The following PTPRK variants were observed in gnomAD, a reference collection of about 807,000 sequenced individuals.
PTPRK encodes the protein receptor-type tyrosine-protein phosphatase kappa.
Under a neutral mutation model 178.0 loss-of-function variants are expected in PTPRK, and 75 were observed. That is an observed-to-expected ratio of 0.42 (90% CI 0.35 to 0.51). The LOEUF is 0.51. Among genes scored for constraint, PTPRK ranks in the 20% least tolerant of loss-of-function variants. PTPRK has a pLI of 0.02. For synonymous variants in PTPRK, 637 were observed against 620.6 expected, an observed-to-expected ratio of 1.03 and a Z score of -0.39; for missense variants, 1,441 against 1,797.8, an observed-to-expected ratio of 0.80 and a Z score of 3.59.
At chr6:128,206,185 A>C (rs915804557) in intron 6 of PTPRK, among the ~76,000 whole-genome samples, 8 of 151,966 alleles carry the variant, frequency 5.3e-5, no homozygotes, top group Non-Finnish European at 1.2e-4. Flanking sequence ...AAATCAATGA[A>C]TATATAGGGT....
intron 1 of PTPRK, among the ~76,000 whole-genome samples, chr6:128,497,877 C>T (rs1854956309): frequency 6.6e-6 from 1 of 151,532 alleles, no homozygotes; most frequent in Non-Finnish European, 1.5e-5. Flanking sequence ...ACTTTAAAAT[C>T]TGAACTGTAG....
chr6:128,011,659 C>T (rs904945101), intron 13 of PTPRK, among the ~76,000 whole-genome samples: 6 of 150,996 alleles, frequency 4.0e-5, no homozygotes, highest in Non-Finnish European at 7.4e-5. Flanking sequence ...AATAAAATAA[C>T]AGAACTGACA....
intron 13 of PTPRK, among the ~76,000 whole-genome samples, chr6:128,061,685 CTT>C (rs1170216017): frequency 6.6e-6 from 1 of 152,080 alleles, no homozygotes; most frequent in Admixed American, 6.5e-5. Context: ...CAGGGTTGTC[CTT>C]CTCACTGAAA....
chr6:128,017,738 T>A (rs1007091881), intron 13 of PTPRK, among the ~76,000 whole-genome samples: 114 of 121,478 alleles, frequency 9.4e-4, no homozygotes, highest in African/African-American at 3.3e-3. Flanking sequence ...TCTATATATA[T>A]AATATATAAA....
At chr6:128,065,173 T>G (rs72983916) in intron 12 of PTPRK, among the ~76,000 whole-genome samples, 2 of 152,312 alleles carry the variant, frequency 1.3e-5, no homozygotes, top group Non-Finnish European at 2.9e-5. Flanking sequence ...CTGAGAACTG[T>G]AGACTGAGAC....
chr6:128,240,267 C>A, intron 4 of PTPRK, 117 bp from the exon 5 acceptor site: 1 of 742,976 alleles, frequency 1.3e-6, no homozygotes, highest in Non-Finnish European at 2.2e-6. Context: ...AGACTAACAT[C>A]AGAAAGAAGA....
At chr6:128,079,029 C>G (rs926252787) in intron 10 of PTPRK, 111 bp from the exon 11 acceptor site, 9 of 599,548 alleles carry the variant, frequency 1.5e-5, no homozygotes, top group Non-Finnish European at 2.3e-5. Flanking sequence ...ACCTAATTAT[C>G]TACAACGTAT....
At chr6:128,472,129 C>T (rs1459623929) in intron 1 of PTPRK, among the ~76,000 whole-genome samples, 1 of 152,054 alleles carries the variant, frequency 6.6e-6, no homozygotes, top group African/African-American at 2.4e-5. Context: ...CTGCTTCTTC[C>T]CTCCAGAGAG....
In PTPRK at chr6:127,985,870, C is replaced by A. The variant is rs565899585; in HGVS notation, c.3102G>T (p.Gly1034=). 73 of 1,609,978 alleles carry A rather than the reference C, an allele frequency of 4.5e-5. No homozygotes were observed. The East Asian group carries it at 1.1e-3, about 25-fold the overall frequency. The change falls in exon 22 of 30, where the codon GGG becomes GGT. Residue 1034 remains glycine, a synonymous_variant. Transcript: ENST00000368226. ...GTTTAACTTCACGGATTTCATTGTA[C>A]CCCCTCTGTGCAAAGATGGAAAGAA... is the stretch of plus-strand genomic sequence containing the variant. ...VVRTFTLERR[G]YNEIREVKQF...
chr6:128,243,534 A>C (rs1048120355), intron 3 of PTPRK, among the ~76,000 whole-genome samples: 1 of 149,222 alleles, frequency 6.7e-6, no homozygotes, highest in African/African-American at 2.5e-5. Context: ...GAAAAGAAAA[A>C]GATTAGCTGG....
chr6:128,437,103 G>C (rs1267738743), intron 1 of PTPRK, among the ~76,000 whole-genome samples: 1 of 152,238 alleles, frequency 6.6e-6, no homozygotes, highest in Admixed American at 6.5e-5. Flanking sequence ...TTTCCCTGGG[G>C]TTCAGCACTC....
chr6:128,021,775 A>C (rs1773551717), intron 13 of PTPRK, among the ~76,000 whole-genome samples: 1 of 152,238 alleles, frequency 6.6e-6, no homozygotes, highest in South Asian at 2.1e-4. Context: ...TAATAGAGGT[A>C]GGCTGGAGTT....
rs1452466697 is a variant in PTPRK at position 128,078,853 on chromosome 6, C to T, written c.1843G>A (p.Val615Ile). Residue 615 changes from valine to isoleucine, a missense_variant, in exon 11 of 30, where the codon GTA (valine) becomes ATA (isoleucine). By Grantham distance (29) the Val-to-Ile change is conservative. Coordinates refer to ENST00000368226, the MANE Select transcript of PTPRK (RefSeq NM_002844.4). ...SLNETATTIT[V>I]LLRPAQAKGA... is the part of the protein sequence containing the mutation. ...TTGGCTTGTGCTGGTCTCAACAATA[C>T]AGTTATTGTGGTGGCAGTTTCATTG... is the stretch of plus-strand genomic sequence containing the variant. The T allele has an allele frequency of 1.9e-6, 3 of 1,612,108 alleles. No homozygotes were observed. Among genetic ancestry groups the T allele is most frequent in the African/African-American group, 1.3e-5 (1 of 74,782 alleles).
intron 1 of PTPRK, among the ~76,000 whole-genome samples, chr6:128,451,974 G>A (rs909302938): frequency 2.0e-5 from 3 of 152,118 alleles, no homozygotes; most frequent in Admixed American, 6.5e-5. Flanking sequence ...CCTACCAAAT[G>A]CCAAGCACCA....
chr6:128,425,432 A>T (rs1020283146), intron 1 of PTPRK, among the ~76,000 whole-genome samples: 1 of 151,980 alleles, frequency 6.6e-6, no homozygotes, highest in Non-Finnish European at 1.5e-5. Flanking sequence ...CGAGTCCCCA[A>T]AGGCTAATGT....
chr6:128,159,426 T>A (rs1045167376), intron 7 of PTPRK, among the ~76,000 whole-genome samples: 1 of 151,866 alleles, frequency 6.6e-6, no homozygotes, highest in African/African-American at 2.4e-5. Context: ...AAAGAACCTA[T>A]CAATGAGGTT....
chr6:128,508,210 A>T (rs1856642594), intron 1 of PTPRK, among the ~76,000 whole-genome samples: 1 of 152,134 alleles, frequency 6.6e-6, no homozygotes, highest in African/African-American at 2.4e-5. Flanking sequence ...CCATGCCTTA[A>T]TAGTCATTAA....
intron 7 of PTPRK, among the ~76,000 whole-genome samples, chr6:128,161,132 C>T (rs1454133291): frequency 1.3e-5 from 2 of 151,622 alleles, no homozygotes; most frequent in Non-Finnish European, 3.0e-5. Context: ...AACTTCTTAG[C>T]CCATGTTTAA....
intron 1 of PTPRK, among the ~76,000 whole-genome samples, chr6:128,485,043 C>G (rs1003659540): frequency 2.6e-5 from 4 of 152,100 alleles, no homozygotes; most frequent in Non-Finnish European, 5.9e-5. Flanking sequence ...AGAATGAGGT[C>G]CATATACCAA....
Sources: allele counts gnomAD v4.1 joint callset (sites outside exome capture counted in the v4.1 genomes callset), GRCh38; gene constraint gnomAD v4.1.1; transcripts MANE v1.5; gene names NCBI Gene and HGNC (gene_info 2026-07-23, HGNC 2026-07-21).